Variants in RGL1 observed in about 807,000 individuals in gnomAD.
The protein encoded by RGL1 is ral guanine nucleotide dissociation stimulator like 1, also known as ral guanine nucleotide dissociation stimulator-like 1.
A neutral mutation model predicts 95.2 loss-of-function variants in RGL1; 24 were observed. The observed-to-expected ratio is 0.25, with a 90% CI of 0.18 to 0.35. RGL1 has a LOEUF of 0.35. Among genes scored for constraint, RGL1 ranks in the 10% least tolerant of loss-of-function variants. RGL1 has a pLI of 1.00. For missense variants in RGL1, 715 were observed against 936.3 expected (o/e 0.76, Z 3.08); for synonymous variants, 329 against 344.9 (o/e 0.95, Z 0.51).
chr1:183,775,507 G>A (rs983426300), intron 2 of RGL1, among the ~76,000 whole-genome samples: 7 of 152,212 alleles, frequency 4.6e-5, no homozygotes, highest in African/African-American at 1.7e-4. Context: ...AGTAGTTCAA[G>A]TTACTTCCAA....
At chr1:183,739,634 A>T (rs1377162344) in intron 1 of RGL1, among the ~76,000 whole-genome samples, 1 of 152,202 alleles carries the variant, frequency 6.6e-6, no homozygotes, top group East Asian at 1.9e-4. Flanking sequence ...TACACTGAGG[A>T]TGAGTGAAAA....
At position 183,928,432 on chromosome 1, in the gene RGL1, G is replaced by A. The variant is rs1277696481; in HGVS notation, c.*2140G>A. The A allele has an allele frequency of 6.6e-6, 1 of 152,468 alleles. No individual in the cohort carries two copies. Among genetic ancestry groups the A allele is most frequent in the African/African-American group, 2.4e-5 (1 of 41,402 alleles). 9.4% of individuals were successfully genotyped at this position (152,468 alleles called of 1,614,324 possible). ...AGCCGGGTAATGCTTTTAGCTGCTC[G>A]CATGCTTGTCTTTCTGCATCTCCAT... On this transcript the variant is annotated 3_prime_UTR_variant, in exon 18 of 18. Coordinates refer to ENST00000360851, the MANE Select transcript of RGL1 (RefSeq NM_001297671.3).
Position 183,860,186 on chromosome 1 carries a change from C to T in RGL1, c.348-5810C>T, listed in dbSNP as rs78498462. ...CAGCTTCATGTGAGGTCTCTCTTTC[C>T]TTTACTTCTTCCTTTCCGTTCTTTC... On this transcript the variant is annotated intron_variant, in intron 3 of 17. Transcript: ENST00000360851. Among the ~76,000 whole-genome samples the T allele has an allele frequency of 6.6e-3, 1,008 of 152,316 alleles. 12 individuals carry two copies. Among genetic ancestry groups the T allele is most frequent in the African/African-American group, 0.023 (967 of 41,562 alleles).
At chr1:183,827,071 C>T (rs1043672453) in intron 2 of RGL1, among the ~76,000 whole-genome samples, 5 of 152,112 alleles carry the variant, frequency 3.3e-5, no homozygotes, top group Admixed American at 6.5e-5. Flanking sequence ...TACAGGCATA[C>T]GCCACCATGC....
At chr1:183,803,629 C>T (rs1661110916), upstream of RGL1, among the ~76,000 whole-genome samples, 1 of 152,150 alleles carries the variant, frequency 6.6e-6, no homozygotes, top group Non-Finnish European at 1.5e-5. Context: ...TGCTTAATAT[C>T]CCTGAAATGG....
At chr1:183,859,195 A>T (rs942326526) in intron 3 of RGL1, among the ~76,000 whole-genome samples, 1 of 152,204 alleles carries the variant, frequency 6.6e-6, no homozygotes, top group African/African-American at 2.4e-5. Flanking sequence ...TAGAAGTGGA[A>T]GGAGTAGCTA....
intron 1 of RGL1, among the ~76,000 whole-genome samples, chr1:183,672,846 G>T (rs920075657): frequency 6.6e-6 from 1 of 152,072 alleles, no homozygotes; most frequent in African/African-American, 2.4e-5. Flanking sequence ...ATCCTGTGTG[G>T]CTTACATTCA....
intron 2 of RGL1, among the ~76,000 whole-genome samples, chr1:183,799,151 C>T (rs1660854494): frequency 6.6e-6 from 1 of 152,118 alleles, no homozygotes; most frequent in Non-Finnish European, 1.5e-5. Flanking sequence ...ATCTGCCTGC[C>T]TCGGCCTCCC....
intron 1 of RGL1, among the ~76,000 whole-genome samples, chr1:183,686,459 G>A (rs1315163861): frequency 6.6e-6 from 1 of 152,056 alleles, no homozygotes; most frequent in African/African-American, 2.4e-5. Flanking sequence ...AGATAACTGG[G>A]AATTTCATTA....
chr1:183,870,920 T>C lies in RGL1; in HGVS notation c.425+4847T>C, dbSNP rs1409197855. On this transcript the variant is annotated intron_variant, in intron 4 of 17. Coordinates refer to ENST00000360851, the MANE Select transcript of RGL1 (RefSeq NM_001297671.3). The stretch of plus-strand genomic sequence containing the variant: ...GCCCTGGTGAAGGAGCCTGGAGAAC[T>C]CGGATCCTGCTCCTTCTCTATCACT... Among the ~76,000 whole-genome samples the C allele has an allele frequency of 2.6e-5, 4 of 152,322 alleles. No homozygotes were observed. The East Asian group carries it at 7.7e-4, about 29-fold the overall frequency.
chr1:183,865,631 G>A (rs532265628), intron 3 of RGL1, among the ~76,000 whole-genome samples: 8 of 152,272 alleles, frequency 5.3e-5, no homozygotes, highest in Admixed American at 2.6e-4. Flanking sequence ...GGGGTTGGAC[G>A]GGAGGGTTTG....
chr1:183,901,259 A>G (rs1161218065), intron 11 of RGL1, among the ~76,000 whole-genome samples: 6 of 152,094 alleles, frequency 3.9e-5, no homozygotes, highest in Admixed American at 2.6e-4. Context: ...AGATTGCGCC[A>G]CTGCACTTCA....
intron 2 of RGL1, among the ~76,000 whole-genome samples, chr1:183,779,208 CTT>C (rs1659767080): frequency 1.4e-5 from 2 of 147,482 alleles, no homozygotes; most frequent in African/African-American, 5.0e-5. Flanking sequence ...TCCTTCCTTC[CTT>C]CCTTCCTTCC....
chr1:183,804,190 G>A (rs1196767151), upstream of RGL1, among the ~76,000 whole-genome samples: 2 of 71,806 alleles, frequency 2.8e-5, no homozygotes, highest in Non-Finnish European at 5.6e-5. Context: ...GCAATTAGTG[G>A]GAGACCTATT....
At chr1:183,784,141 C>G (rs1337111527) in intron 2 of RGL1, among the ~76,000 whole-genome samples, 2 of 152,068 alleles carry the variant, frequency 1.3e-5, no homozygotes, top group Non-Finnish European at 2.9e-5. Context: ...GATCTGCCCT[C>G]GAGGATTGAT....
intron 1 of RGL1, among the ~76,000 whole-genome samples, chr1:183,687,268 C>T (rs1653647711): frequency 6.6e-6 from 1 of 152,160 alleles, no homozygotes; most frequent in African/African-American, 2.4e-5. Context: ...TTTATCTTGT[C>T]ACCACTGAAT....
chr1:183,639,867 A>G (rs147212405), intron 1 of RGL1, among the ~76,000 whole-genome samples: 10,415 of 151,666 alleles, frequency 0.069, 627 homozygotes, highest in African/African-American at 0.16. Context: ...TTTTTGAGAC[A>G]GAGTCTCACT....
chr1:183,880,649 C>A lies in RGL1; in HGVS notation c.459C>A (p.Asp153Glu), dbSNP rs1330540314. Residue 153 changes from aspartate to glutamate, a missense_variant, in exon 5 of 18, where the codon GAC (aspartate) becomes GAA (glutamate). Around this residue, in one of 3 missense-constraint regions of RGL1, gnomAD observed 381 missense variants for 484.8 expected, o/e 0.79. Coordinates refer to ENST00000360851, the MANE Select transcript of RGL1 (RefSeq NM_001297671.3). ...AIASILRAWL[D>E]QCAEDFREPP... is the part of the protein sequence containing the mutation. ...CTTCCATACTAAGGGCCTGGCTTGA[C>A]CAGTGTGCAGAAGACTTCCGAGAGC... 2 of 1,613,872 alleles carry A rather than the reference C, an allele frequency of 1.2e-6. No homozygotes were observed. The highest frequency in any genetic ancestry group is 2.2e-5 in the East Asian group (1 of 44,872).
At chr1:183,656,113 CT>C (rs60220835) in intron 1 of RGL1, among the ~76,000 whole-genome samples, 32 of 145,014 alleles carry the variant, frequency 2.2e-4, no homozygotes, top group Middle Eastern at 3.5e-3. Flanking sequence ...CTTTTCTTTT[CT>C]TTTTTTTTTC....
Sources: gnomAD v4.1 joint callset for allele counts (sites outside exome capture counted in the v4.1 genomes callset) on GRCh38, gnomAD v4.1.1 for gene constraint, gnomAD v4.1.1 regional missense constraint, MANE v1.5 for transcripts, NCBI Gene and HGNC (gene_info 2026-07-23, HGNC 2026-07-21) for gene names.